Variants in STEAP4 observed in about 807,000 individuals in gnomAD.
STEAP4 encodes STEAP4 metalloreductase.
Under a neutral mutation model 43.6 loss-of-function variants are expected in STEAP4, and 36 were observed. That is an observed-to-expected ratio of 0.83 (90% confidence interval 0.63 to 1.09). The LOEUF (loss-of-function observed/expected upper bound fraction) is 1.09, where lower values mean the gene tolerates loss of function less well. Among genes scored for constraint, STEAP4 ranks in the 50% least tolerant of loss-of-function variants. The probability of loss-of-function intolerance (pLI) is 0.00; values close to 1 mark genes in which losing one functional copy is unlikely to be tolerated. For missense variants in STEAP4, 495 were observed against 546.5 expected, an observed-to-expected ratio of 0.91 and a Z score of 0.94; for synonymous variants, 191 against 196.7, an observed-to-expected ratio of 0.97 and a Z score of 0.24.
chr7:88,300,969 G>T (rs1291793893), intron 1 of STEAP4, among the ~76,000 whole-genome samples: 1 of 152,082 alleles, frequency 6.6e-6, no homozygotes. Context: ...CACAATTTTA[G>T]CTATAAACCT....
rs929687867 is a variant in STEAP4 at position 88,292,099 on chromosome 7, G to A, written c.-2-7828C>T. ...AAACCATGTGTGTGTGTGCGCGCGC[G>A]TGTGTGTGTGTGTATGTGAGTGTGT... On this transcript the variant is annotated intron_variant, in intron 1 of 4. Transcript: ENST00000380079. 179 of 151,780 alleles carry A rather than the reference G, an allele frequency of 1.2e-3. 2 individuals carry two copies. Among genetic ancestry groups the A allele is most frequent in the African/African-American group, 1.2e-4 (5 of 41,388 alleles). 9.4% of individuals were successfully genotyped at this position (151,780 alleles called of 1,614,324 possible).
intron 1 of STEAP4, among the ~76,000 whole-genome samples, chr7:88,291,633 C>T (rs528820051): frequency 5.3e-5 from 8 of 151,996 alleles, no homozygotes; most frequent in Non-Finnish European, 8.8e-5. Flanking sequence ...CTCAAAATAG[C>T]TGTGTGTAAA....
intron 2 of STEAP4, 129 bp from the exon 3 acceptor site, chr7:88,283,297 G>A: frequency 1.3e-5 from 13 of 997,334 alleles, no homozygotes; most frequent in Non-Finnish European, 1.8e-5. Flanking sequence ...AAATAAGGAT[G>A]TAGAATTAAC....
At position 88,279,627 on chromosome 7, in the gene STEAP4, G is replaced by T; in HGVS notation, c.1151C>A (p.Ser384Tyr). The part of the protein sequence containing the change: ...VNWREFRFVQ[S>Y]KLGYLTLILC... Reference sequence around the variant, plus strand: ...GATCAGGGTCAAATAACCCAGTTTGGACTATAAACAAGAAACAAAAATATG... The same window carrying T: ...GATCAGGGTCAAATAACCCAGTTTGTACTATAAACAAGAAACAAAAATATG... Residue 384 changes from serine (S) to tyrosine (Y), a missense_variant and splice_region_variant, in exon 5 of 5, where the codon TCC becomes TAC. Physicochemically the swap from Ser to Tyr is moderately radical, Grantham distance 144. Transcript: ENST00000380079. 1 of 1,608,060 alleles carries T rather than the reference G, an allele frequency of 6.2e-7. No homozygotes were observed. The highest frequency in any genetic ancestry group is 8.5e-7 in the Non-Finnish European group (1 of 1,176,668).
chr7:88,301,090 G>T (rs908512039), intron 1 of STEAP4, among the ~76,000 whole-genome samples: 14 of 152,150 alleles, frequency 9.2e-5, no homozygotes, highest in African/African-American at 3.4e-4. Context: ...CAGAACTAGG[G>T]TAAGTGCAGT....
In STEAP4 at chr7:88,277,452, G is replaced by A. The variant is rs1852530775; in HGVS notation, c.*1946C>T. The A allele has an allele frequency of 1.3e-5, 2 of 152,156 alleles. 1 individual carries two copies. The highest frequency in any genetic ancestry group is 4.1e-4 in the South Asian group (2 of 4,830). 9.4% of individuals were successfully genotyped at this position (152,156 alleles called of 1,614,324 possible). A position where few individuals can be genotyped will look rare whatever the true frequency, so the allele number is the denominator to read the frequency against. Reference sequence around the variant, plus strand: ...GAAATGGCTTGGCAACATTATCAGTGCAAAGATATTATCTGAAATGTTATT... The same window carrying A: ...GAAATGGCTTGGCAACATTATCAGTACAAAGATATTATCTGAAATGTTATT... On this transcript the variant is annotated 3_prime_UTR_variant, in exon 5 of 5. Transcript: ENST00000380079.
chr7:88,293,105 T>G (rs1208406124), intron 1 of STEAP4: 1 of 152,242 alleles, frequency 6.6e-6, no homozygotes, highest in African/African-American at 2.4e-5. Context: ...ACTTCGAATG[T>G]GTACTAATTT....
chr7:88,294,213 C>G (rs1852889333), intron 1 of STEAP4, among the ~76,000 whole-genome samples: 1 of 152,052 alleles, frequency 6.6e-6, no homozygotes, highest in African/African-American at 2.4e-5. Context: ...CCACACCTGA[C>G]TTTATGTGAC....
chr7:88,300,031 G>A (rs1382889731), intron 1 of STEAP4, among the ~76,000 whole-genome samples: 1 of 152,178 alleles, frequency 6.6e-6, no homozygotes, highest in African/African-American at 2.4e-5. Context: ...CCCATCAGAT[G>A]GAGCTGCTGG....
chr7:88,271,239 C>T lies in STEAP4; in HGVS notation c.*8159G>A, dbSNP rs980370648. On this transcript the variant is annotated 3_prime_UTR_variant, in exon 5 of 5. Transcript: ENST00000380079. ...TAAATTTATTTTAATAATTAGGTAACCTACTCATGTAATTTAAAAACCAAA... is the reference window on the plus strand; with the variant it reads ...TAAATTTATTTTAATAATTAGGTAATCTACTCATGTAATTTAAAAACCAAA... 1.3e-5 allele frequency: 2 copies of T among 152,080 alleles called. No individual in the cohort carries two copies. Among genetic ancestry groups the T allele is most frequent in the African/African-American group, 4.8e-5 (2 of 41,414 alleles). The allele number at this position is 152,080 out of a possible 1,614,324, so 9.4% of individuals were successfully genotyped here.
chr7:88,283,434 T>C (rs1164636745), intron 2 of STEAP4: 1 of 487,428 alleles, frequency 2.1e-6, no homozygotes, highest in Admixed American at 3.9e-5. Flanking sequence ...CTGTGAGTAG[T>C]TTGATCTTCT....
rs1852609631 is a variant in STEAP4, at chr7:88,280,993, A to G, written c.1071T>C (p.Phe357=). 1.2e-6 allele frequency: 2 copies of G among 1,613,356 alleles called. No individual in the cohort carries two copies. Among genetic ancestry groups the G allele is most frequent in the South Asian group, 2.2e-5 (2 of 90,974 alleles). ...SYVALGILGF[F]LFVLLGITSL... Reference sequence around the variant, plus strand: ...AAGTGATTCCCAAGAGTACAAACAGAAAAAACCCAAGTATTCCCAAAGCCA... The same window carrying G: ...AAGTGATTCCCAAGAGTACAAACAGGAAAAACCCAAGTATTCCCAAAGCCA... The change falls in exon 4 of 5, where the codon TTT becomes TTC. Residue 357 remains phenylalanine, a synonymous_variant. Coordinates refer to ENST00000380079, the MANE Select transcript of STEAP4 (RefSeq NM_024636.4).
chr7:88,290,977 T>G (rs1478307977), intron 1 of STEAP4: 1 of 152,180 alleles, frequency 6.6e-6, no homozygotes, highest in Non-Finnish European at 1.5e-5. Flanking sequence ...GCAGTGAAAA[T>G]TAGATGAATT....
intron 3 of STEAP4, chr7:88,282,077 A>G (rs1852628969): frequency 1.3e-5 from 2 of 152,102 alleles, no homozygotes; most frequent in Admixed American, 6.5e-5. Flanking sequence ...CAGTTTGCCA[A>G]TATCTCTATG....
Position 88,276,001 on chromosome 7 carries a change from G to A in STEAP4, c.*3397C>T, listed in dbSNP as rs962354091. ...GAGCTGCAGCAGTCCAGTTGTGCAAGGCATTTAATGCCCAGTCACGCAGTC... is the reference window on the plus strand; with the variant it reads ...GAGCTGCAGCAGTCCAGTTGTGCAAAGCATTTAATGCCCAGTCACGCAGTC... On this transcript the variant is annotated 3_prime_UTR_variant, in exon 5 of 5. Coordinates refer to ENST00000380079, the MANE Select transcript of STEAP4 (RefSeq NM_024636.4). The A allele has an allele frequency of 3.9e-5, 6 of 152,146 alleles. No individual in the cohort carries two copies. Among genetic ancestry groups the A allele is most frequent in the African/African-American group, 1.4e-4 (6 of 41,434 alleles). 9.4% of individuals were successfully genotyped at this position (152,146 alleles called of 1,614,324 possible).
At chr7:88,288,637 C>T (rs940547747) in intron 1 of STEAP4, among the ~76,000 whole-genome samples, 5 of 151,908 alleles carry the variant, frequency 3.3e-5, no homozygotes, top group Non-Finnish European at 7.4e-5. Context: ...AATGCAAAAC[C>T]GCTAAGCAAT....
rs1376632200 is a variant in STEAP4, at chr7:88,273,162, A to AT, written c.*6235dup. Reference sequence around the variant, plus strand: ...TCCTGGCTATTTGAAATTATATGTTATTTTTAACTATAGTCATCCTACAGA... The same window carrying AT: ...TCCTGGCTATTTGAAATTATATGTTATTTTTTAACTATAGTCATCCTACAGA... On this transcript the variant is annotated 3_prime_UTR_variant, in exon 5 of 5. Transcript: ENST00000380079. 2 of 152,166 alleles carry AT rather than the reference A, an allele frequency of 1.3e-5. No homozygotes were observed. The highest frequency in any genetic ancestry group is 2.4e-5 in the African/African-American group (1 of 41,420). The allele number at this position is 152,166 out of a possible 1,614,324, so 9.4% of individuals were successfully genotyped here. A position where few individuals can be genotyped will look rare whatever the true frequency, so the allele number is the denominator to read the frequency against.
chr7:88,299,583 T>TA (rs1852994748), intron 1 of STEAP4, among the ~76,000 whole-genome samples: 1 of 152,266 alleles, frequency 6.6e-6, no homozygotes, highest in Admixed American at 6.5e-5. Context: ...AGCATTTGCT[T>TA]AATCTGATGA....
At chr7:88,306,227 A>G (rs1853128737) in intron 1 of STEAP4, among the ~76,000 whole-genome samples, 1 of 152,242 alleles carries the variant, frequency 6.6e-6, no homozygotes, top group African/African-American at 2.4e-5. Flanking sequence ...TGGGAAAAAG[A>G]ATAATAAAAT....
Sources: allele counts gnomAD v4.1 joint callset (sites outside exome capture counted in the v4.1 genomes callset), GRCh38; gene constraint gnomAD v4.1.1; transcripts MANE v1.5; gene names NCBI Gene and HGNC (gene_info 2026-07-23, HGNC 2026-07-21).